The following SLC25A30 variants were observed in gnomAD, a reference collection of about 807,000 sequenced individuals.
The protein encoded by SLC25A30 is kidney mitochondrial carrier protein 1.
Under a neutral mutation model 42.7 loss-of-function variants are expected in SLC25A30, and 29 were observed. That is an observed-to-expected ratio of 0.68 (90% CI 0.51 to 0.93). SLC25A30 has a LOEUF of 0.93. SLC25A30 is among the 40% of genes least tolerant of loss of function. The pLI is 0.00. For missense variants in SLC25A30, 300 were observed against 359.7 expected, an observed-to-expected ratio of 0.83 and a Z score of 1.34; for synonymous variants, 124 against 131.0, an observed-to-expected ratio of 0.95 and a Z score of 0.37.
chr13:45,403,155 T>C (rs1474346617), intron 5 of SLC25A30, among the ~76,000 whole-genome samples: 1 of 152,180 alleles, frequency 6.6e-6, no homozygotes, highest in Non-Finnish European at 1.5e-5. Flanking sequence ...AGAGTACGAA[T>C]ATTTTTCTCT....
At chr13:45,417,106 T>C (rs1359259457) in intron 1 of SLC25A30, among the ~76,000 whole-genome samples, 1 of 152,156 alleles carries the variant, frequency 6.6e-6, no homozygotes, top group Non-Finnish European at 1.5e-5. Context: ...CTCCGTCTCC[T>C]GGATTCAAGC....
upstream of SLC25A30, among the ~76,000 whole-genome samples, chr13:45,420,589 C>T (rs1041337659): frequency 7.2e-5 from 11 of 152,206 alleles, no homozygotes; most frequent in African/African-American, 2.7e-4. Context: ...CCAAACTCTA[C>T]CATTACCCTA....
Position 45,393,859 on chromosome 13 carries a change from G to C in SLC25A30, c.*2115C>G, listed in dbSNP as rs1464007134. 1 of 985,130 alleles carries C rather than the reference G, an allele frequency of 1.0e-6. No individual in the cohort carries two copies. Among genetic ancestry groups the C allele is most frequent in the Non-Finnish European group, 1.2e-6 (1 of 829,818 alleles). 61.0% of individuals were successfully genotyped at this position (985,130 alleles called of 1,614,324 possible). On this transcript the variant is annotated 3_prime_UTR_variant, in exon 10 of 10. Coordinates refer to ENST00000519676, the MANE Select transcript of SLC25A30 (RefSeq NM_001010875.4). The stretch of plus-strand genomic sequence containing the variant: ...TTTGAATTTCTTTCCACCTTGGTAG[G>C]AACATGTATGTAATTTGAATAAACT...
In SLC25A30 at chr13:45,405,520, A is replaced by C. The variant is rs1882414471; in HGVS notation, c.307+363T>G. The stretch of plus-strand genomic sequence containing the variant: ...CCAAAAAGCCAGAGTATTAGCATTC[A>C]GTGTTGTTAATATTAAGAAATGTAT... On this transcript the variant is annotated intron_variant, in intron 4 of 9. Coordinates refer to ENST00000519676, the MANE Select transcript of SLC25A30 (RefSeq NM_001010875.4). 2.0e-5 allele frequency among the ~76,000 whole-genome samples: 3 copies of C among 152,342 alleles called. No individual in the cohort carries two copies. The South Asian group carries it at 6.2e-4, about 32-fold the overall frequency.
chr13:45,431,247 A>C, the SLC25A30 span, among the ~76,000 whole-genome samples: 70,229 of 70,256 alleles, frequency 1, 35,101 homozygotes, highest in Middle Eastern at 1. Context: ...GGGTTTCACC[A>C]TGTTGCCTAG....
chr13:45,396,760 A>C (rs890675276), intron 9 of SLC25A30: 1 of 159,862 alleles, frequency 6.3e-6, no homozygotes, highest in African/African-American at 2.4e-5. Flanking sequence ...CGACAGAGTA[A>C]AGACTCAGTC....
the SLC25A30 span, among the ~76,000 whole-genome samples, chr13:45,423,843 T>C: frequency 1.4e-5 from 1 of 71,872 alleles, no homozygotes; most frequent in African/African-American, 5.5e-5. Context: ...TATATATAAA[T>C]ATGTAAATAT....
the SLC25A30 span, among the ~76,000 whole-genome samples, chr13:45,425,736 A>C: frequency 7.0e-6 from 1 of 142,196 alleles, no homozygotes; most frequent in Non-Finnish European, 1.5e-5. Context: ...TGTATCCCCC[A>C]GGCTGGAGGG....
In SLC25A30 at chr13:45,401,113, A is replaced by T; in HGVS notation, c.584T>A (p.Leu195Gln). 1 of 1,613,976 alleles carries T rather than the reference A, an allele frequency of 6.2e-7. No homozygotes were observed. Among genetic ancestry groups the T allele is most frequent in the Non-Finnish European group, 8.5e-7 (1 of 1,179,826 alleles). The change falls in exon 7 of 10, where the codon CTG becomes CAG. Residue 195 changes from leucine (L) to glutamine (Q), a missense_variant. Transcript: ENST00000519676. Reference protein sequence around the residue: ...ITKKHLILSGLMGDTVYTHFL... With the variant: ...ITKKHLILSGQMGDTVYTHFL... ...GTGGGTATACACAGTGTCTCCCATC[A>T]GGCCTGAGAGAATAAGATGCTTCTT...
the SLC25A30 span, among the ~76,000 whole-genome samples, chr13:45,424,436 T>A: frequency 1.4e-4 from 8 of 58,816 alleles, no homozygotes; most frequent in African/African-American, 3.8e-4. Flanking sequence ...AATATATATA[T>A]AAATATATAA....
At chr13:45,412,873 A>C (rs1883152656) in intron 1 of SLC25A30, among the ~76,000 whole-genome samples, 1 of 152,228 alleles carries the variant, frequency 6.6e-6, no homozygotes, top group African/African-American at 2.4e-5. Flanking sequence ...TCATATGACT[A>C]ATACTTTTGT....
chr13:45,425,570 A>G, the SLC25A30 span, among the ~76,000 whole-genome samples: 1 of 104,946 alleles, frequency 9.5e-6, no homozygotes, highest in Non-Finnish European at 1.8e-5. Flanking sequence ...ATAAATATAT[A>G]TAAGTATATA....
the SLC25A30 span, among the ~76,000 whole-genome samples, chr13:45,430,090 G>GA: frequency 2.6e-5 from 4 of 151,404 alleles, no homozygotes; most frequent in Admixed American, 6.6e-5. Flanking sequence ...TCAATTCCAG[G>GA]AAAAAACAGA....
At chr13:45,419,339 A>G (rs1883811279), upstream of SLC25A30, among the ~76,000 whole-genome samples, 1 of 151,002 alleles carries the variant, frequency 6.6e-6, no homozygotes, top group South Asian at 2.1e-4. Context: ...TTGTTTTTAG[A>G]CAGAGCCTCA....
chr13:45,425,367 TA>T, the SLC25A30 span, among the ~76,000 whole-genome samples: 1 of 110,238 alleles, frequency 9.1e-6, no homozygotes, highest in African/African-American at 3.7e-5. Flanking sequence ...AGTATATGTA[TA>T]AAAATATATA....
intron 6 of SLC25A30, 146 bp downstream of exon 6, chr13:45,402,129 G>GA: frequency 2.2e-6 from 1 of 459,914 alleles, no homozygotes; most frequent in Admixed American, 4.0e-5. Context: ...GGGAAATAAA[G>GA]AAAGATATTT....
chr13:45,427,261 G>A, the SLC25A30 span, among the ~76,000 whole-genome samples: 1 of 152,126 alleles, frequency 6.6e-6, no homozygotes, highest in Non-Finnish European at 1.5e-5. Context: ...CTCTCCCGAA[G>A]CATAGGATAA....
chr13:45,399,091 CAT>C lies in SLC25A30; in HGVS notation c.615-15_615-14del. On this transcript the variant is annotated splice_polypyrimidine_tract_variant and intron_variant, in intron 7 of 9. Transcript: ENST00000519676. Reference sequence around the variant, plus strand: ...GGTGAAGCTTGAGCTATAAAGACACCATTGGAAAAAAAAAAAAAAGTTAACCA... The same window carrying C: ...GGTGAAGCTTGAGCTATAAAGACACCTGGAAAAAAAAAAAAAAGTTAACCA... The C allele has an allele frequency of 6.4e-7, 1 of 1,552,594 alleles. No individual in the cohort carries two copies.
intron 3 of SLC25A30, among the ~76,000 whole-genome samples, chr13:45,406,925 A>G (rs1882564411): frequency 6.6e-6 from 1 of 151,958 alleles, no homozygotes; most frequent in African/African-American, 2.4e-5. Flanking sequence ...CTTACTGTAC[A>G]TGTTCCCTGT....
Sources: allele counts gnomAD v4.1 joint callset (sites outside exome capture counted in the v4.1 genomes callset), GRCh38; gene constraint gnomAD v4.1.1; transcripts MANE v1.5; gene names NCBI Gene and HGNC (gene_info 2026-07-23, HGNC 2026-07-21).